The following SUSD6 variants were observed in gnomAD, a reference collection of about 807,000 sequenced individuals.
The protein encoded by SUSD6 is sushi domain-containing protein 6.
Under a neutral mutation model 28.4 loss-of-function variants are expected in SUSD6, and 16 were observed. That is an observed-to-expected ratio of 0.56 (90% confidence interval 0.38 to 0.86). SUSD6 has a LOEUF of 0.86. Among genes scored for constraint, SUSD6 ranks in the 40% least tolerant of loss-of-function variants. The pLI is 0.00. For missense variants in SUSD6, 341 were observed against 384.2 expected, an observed-to-expected ratio of 0.89 and a Z score of 0.94; for synonymous variants, 147 against 159.6, an observed-to-expected ratio of 0.92 and a Z score of 0.59.
chr14:69,615,939 A>G (rs190770633), intron 1 of SUSD6, among the ~76,000 whole-genome samples: 2 of 152,344 alleles, frequency 1.3e-5, no homozygotes, highest in East Asian at 3.9e-4. Context: ...TACTGTCGCC[A>G]GTGTTAGTAG....
chr14:69,617,541 C>T (rs538663068), intron 1 of SUSD6: 8 of 152,274 alleles, frequency 5.3e-5, no homozygotes, highest in African/African-American at 1.9e-4. Flanking sequence ...ATATTTGGTG[C>T]AGAACTTTAA....
At chr14:69,646,255 A>G (rs1885424409) in intron 1 of SUSD6, among the ~76,000 whole-genome samples, 2 of 152,118 alleles carry the variant, frequency 1.3e-5, no homozygotes, top group African/African-American at 4.8e-5. Context: ...TGTGTTGCAC[A>G]TGCCCCTGGT....
Position 69,711,147 on chromosome 14 carries a change from CAAGG to C in SUSD6, c.*172_*175del. The C allele has an allele frequency of 3.1e-6, 2 of 643,612 alleles. No individual in the cohort carries two copies. Among genetic ancestry groups the C allele is most frequent in the African/African-American group, 1.8e-5 (1 of 54,772 alleles). 39.9% of individuals were successfully genotyped at this position (643,612 alleles called of 1,614,324 possible). A position where few individuals can be genotyped will look rare whatever the true frequency, so the allele number is the denominator to read the frequency against. On this transcript the variant is annotated 3_prime_UTR_variant, in exon 6 of 6. Transcript: ENST00000342745. ...CTATAGGCCCACCTTGCTGGAAACT[CAAGG>C]AAGATTCTCGCCATCTGCCTGTTGG...
At chr14:69,639,040 G>A (rs1035478540) in intron 1 of SUSD6, among the ~76,000 whole-genome samples, 6 of 152,084 alleles carry the variant, frequency 3.9e-5, no homozygotes, top group Non-Finnish European at 8.8e-5. Context: ...AGTAGATAAG[G>A]CCAGGCCGGG....
At position 69,713,362 on chromosome 14, in the gene SUSD6, C is replaced by G. The variant is rs1886496281; in HGVS notation, c.*2383C>G. 1 of 152,306 alleles carries G rather than the reference C, an allele frequency of 6.6e-6. No homozygotes were observed. Among genetic ancestry groups the G allele is most frequent in the African/African-American group, 2.4e-5 (1 of 41,440 alleles). 9.4% of individuals were successfully genotyped at this position (152,306 alleles called of 1,614,324 possible). A position where few individuals can be genotyped will look rare whatever the true frequency, so the allele number is the denominator to read the frequency against. ...ATTAGAACAATGGGAGCCTTGGCTCCCCTCTCGTCTCCTCCCCTCCTTCTT... is the reference window on the plus strand; with the variant it reads ...ATTAGAACAATGGGAGCCTTGGCTCGCCTCTCGTCTCCTCCCCTCCTTCTT... On this transcript the variant is annotated 3_prime_UTR_variant, in exon 6 of 6. Transcript: ENST00000342745.
intron 1 of SUSD6, among the ~76,000 whole-genome samples, chr14:69,639,957 T>TTTTTTG (rs1555343339): frequency 0.08 from 358 of 4,488 alleles, 3 homozygotes; most frequent in African/African-American, 0.2. Context: ...ACCTACACTG[T>TTTTTTG]TTTTTTTTTT....
At chr14:69,643,811 A>G (rs927855899) in intron 1 of SUSD6, among the ~76,000 whole-genome samples, 8 of 152,206 alleles carry the variant, frequency 5.3e-5, no homozygotes, top group Non-Finnish European at 1.5e-5. Flanking sequence ...TGTTACCTCA[A>G]TTTTATATGT....
chr14:69,622,312 G>A (rs1885052670), intron 1 of SUSD6, among the ~76,000 whole-genome samples: 4 of 152,028 alleles, frequency 2.6e-5, no homozygotes, highest in Admixed American at 2.6e-4. Context: ...CTACAGGCAT[G>A]TGTCACCATG....
At position 69,639,002 on chromosome 14, in the gene SUSD6, CTTGCCCGTT is replaced by C. The variant is rs563324240; in HGVS notation, c.-80-19509_-80-19501del. ...TGCTTACTCACAACAAGATTGGGTC[CTTGCCCGTT>C]TCTCTTTGGATCATTAGAAGTAGAT... On this transcript the variant is annotated intron_variant, in intron 1 of 5. Coordinates refer to ENST00000342745, the MANE Select transcript of SUSD6 (RefSeq NM_014734.4). Among the ~76,000 whole-genome samples the C allele has an allele frequency of 3.9e-5, 6 of 152,284 alleles. No individual in the cohort carries two copies. The South Asian group carries it at 1.2e-3, about 32-fold the overall frequency.
At chr14:69,673,632 C>T (rs1885865616) in intron 2 of SUSD6, among the ~76,000 whole-genome samples, 1 of 152,152 alleles carries the variant, frequency 6.6e-6, no homozygotes, top group Non-Finnish European at 1.5e-5. Context: ...TCCTTGCATA[C>T]TACCCTACAG....
chr14:69,668,050 G>A (rs1367365871), intron 2 of SUSD6, among the ~76,000 whole-genome samples: 1 of 152,206 alleles, frequency 6.6e-6, no homozygotes, highest in Non-Finnish European at 1.5e-5. Flanking sequence ...TGTGAGGAAA[G>A]CAGGAGCAAG....
At chr14:69,701,224 CTTA>C (rs1042097578) in intron 2 of SUSD6, among the ~76,000 whole-genome samples, 7 of 147,584 alleles carry the variant, frequency 4.7e-5, no homozygotes, top group South Asian at 4.2e-4. Flanking sequence ...TTTTTTTTGA[CTTA>C]TTATGAGTGC....
intron 2 of SUSD6, among the ~76,000 whole-genome samples, chr14:69,697,610 G>A (rs1886245104): frequency 6.6e-6 from 1 of 151,916 alleles, no homozygotes; most frequent in Admixed American, 6.5e-5. Context: ...TTCCTAATTG[G>A]CTACTAGAAC....
chr14:69,667,884 C>G (rs190203348), intron 2 of SUSD6, among the ~76,000 whole-genome samples: 75 of 152,290 alleles, frequency 4.9e-4, no homozygotes, highest in Non-Finnish European at 9.3e-4. Flanking sequence ...TGCATATAAG[C>G]TCGTTGAACA....
At chr14:69,684,840 G>A (rs1469210570) in intron 2 of SUSD6, among the ~76,000 whole-genome samples, 4 of 152,246 alleles carry the variant, frequency 2.6e-5, no homozygotes, top group African/African-American at 4.8e-5. Flanking sequence ...TTGGAGCCTT[G>A]AGTCTTCAAC....
At chr14:69,628,300 G>T (rs1413240579) in intron 1 of SUSD6, among the ~76,000 whole-genome samples, 1 of 152,180 alleles carries the variant, frequency 6.6e-6, no homozygotes, top group Non-Finnish European at 1.5e-5. Context: ...TGGGTCATTT[G>T]TGGTGGCAAA....
chr14:69,693,635 A>C lies in SUSD6; in HGVS notation c.122-9760A>C, dbSNP rs146464869. On this transcript the variant is annotated intron_variant, in intron 2 of 5. Transcript: ENST00000342745. Reference sequence around the variant, plus strand: ...TTAGTTTGCTACATGAAAATTTATCAGTGCCTAGTAATGTGCCAGGCATGA... The same window carrying C: ...TTAGTTTGCTACATGAAAATTTATCCGTGCCTAGTAATGTGCCAGGCATGA... Among the ~76,000 whole-genome samples the C allele has an allele frequency of 6.9e-4, 105 of 152,360 alleles. 1 individual carries two copies. The highest frequency in any genetic ancestry group is 1.5e-4 in the Non-Finnish European group (10 of 68,026).
chr14:69,669,630 A>G (rs1885800340), intron 2 of SUSD6, among the ~76,000 whole-genome samples: 1 of 152,140 alleles, frequency 6.6e-6, no homozygotes, highest in Admixed American at 6.5e-5. Flanking sequence ...TTCTCCCCTA[A>G]ACATCTTCAA....
At chr14:69,664,441 A>G (rs1885708514) in intron 2 of SUSD6, among the ~76,000 whole-genome samples, 1 of 152,218 alleles carries the variant, frequency 6.6e-6, no homozygotes, top group Admixed American at 6.5e-5. Context: ...TCCGCAAAGC[A>G]TCTTCCTGTC....
Sources: allele counts gnomAD v4.1 joint callset (sites outside exome capture counted in the v4.1 genomes callset), GRCh38; gene constraint gnomAD v4.1.1; transcripts MANE v1.5; gene names NCBI Gene and HGNC (gene_info 2026-07-23, HGNC 2026-07-21).